Variants in RNF135 observed in about 807,000 individuals in gnomAD.
The protein encoded by RNF135 is ring finger protein 135, also known as E3 ubiquitin-protein ligase RNF135.
A neutral mutation model predicts 41.9 loss-of-function variants in RNF135; 46 were observed. That is an observed-to-expected ratio of 1.10 (90% CI 0.87 to 1.40). The LOEUF (loss-of-function observed/expected upper bound fraction) is 1.40, where lower values mean the gene tolerates loss of function less well. Among genes scored for constraint, RNF135 ranks in the 40% most tolerant of loss-of-function variants. The probability of loss-of-function intolerance (pLI) is 0.00; values close to 1 mark genes in which losing one functional copy is unlikely to be tolerated. For synonymous variants in RNF135, 238 were observed against 223.8 expected, an observed-to-expected ratio of 1.06 and a Z score of -0.57; for missense variants, 539 against 549.8, an observed-to-expected ratio of 0.98 and a Z score of 0.20.
At chr17:30,959,103 CT>C in the RNF135 span, 1 of 152,180 alleles carries the variant, frequency 6.6e-6, no homozygotes, top group African/African-American at 2.4e-5. Flanking sequence ...GTTTACTTGT[CT>C]GCCTCTTTGA....
intron 2 of RNF135, among the ~76,000 whole-genome samples, chr17:30,986,950 GAA>G (rs1398049400): frequency 6.6e-6 from 1 of 152,184 alleles, no homozygotes; most frequent in East Asian, 1.9e-4. Flanking sequence ...GCAAATGAGA[GAA>G]AGGCAATATC....
upstream of RNF135, among the ~76,000 whole-genome samples, chr17:30,967,706 T>C (rs558187988): frequency 2.6e-4 from 37 of 144,872 alleles, 1 homozygote; most frequent in Middle Eastern, 3.5e-3. Flanking sequence ...CAAAATTTCT[T>C]TTTTTTTTTT....
chr17:30,982,568 A>G (rs1012863419), intron 1 of RNF135, among the ~76,000 whole-genome samples: 2 of 152,144 alleles, frequency 1.3e-5, no homozygotes, highest in African/African-American at 2.4e-5. Flanking sequence ...AGTTAAAACC[A>G]GGTACTGTAA....
At chr17:30,975,746 T>C in intron 1 of RNF135, 1 of 1,259,186 alleles carries the variant, frequency 7.9e-7, no homozygotes, top group African/African-American at 1.5e-5. Context: ...TGGCCTGGTG[T>C]ACATGGGTCA....
At chr17:30,961,462 C>A in the RNF135 span, among the ~76,000 whole-genome samples, 108 of 152,068 alleles carry the variant, frequency 7.1e-4, no homozygotes, top group Non-Finnish European at 1.2e-3. Flanking sequence ...CCTCTCCTCT[C>A]CTGTCCTTTC....
chr17:30,974,997 A>G lies in RNF135; in HGVS notation c.372+3552A>G, dbSNP rs185891539. On this transcript the variant is annotated intron_variant, in intron 1 of 4. Coordinates refer to ENST00000328381, the MANE Select transcript of RNF135 (RefSeq NM_032322.4). ...CAGGCCCATTATAATTTATTTTAAG[A>G]AATTTTTCAGGCAGATTGTCATGGC... Among the ~76,000 whole-genome samples, 429 of 152,178 alleles carry G rather than the reference A, an allele frequency of 2.8e-3. 1 individual carries two copies. The highest frequency in any genetic ancestry group is 4.1e-3 in the Non-Finnish European group (279 of 67,986).
At chr17:30,980,094 A>C (rs1344699313) in intron 1 of RNF135, 2 of 124,398 alleles carry the variant, frequency 1.6e-5, no homozygotes, top group African/African-American at 7.1e-5. Flanking sequence ...TGACTCCCCC[A>C]CCTCCCTCCT....
chr17:30,992,820 A>G (rs1358146656), intron 3 of RNF135, among the ~76,000 whole-genome samples: 1 of 151,878 alleles, frequency 6.6e-6, no homozygotes, highest in Non-Finnish European at 1.5e-5. Context: ...ATTTTCATGT[A>G]GTAAATTTTG....
At position 30,971,176 on chromosome 17, in the gene RNF135, C is replaced by A; in HGVS notation, c.103C>A (p.Pro35Thr). 1 of 1,528,240 alleles carries A rather than the reference C, an allele frequency of 6.5e-7. No individual in the cohort carries two copies. The highest frequency in any genetic ancestry group is 1.9e-4 in the Middle Eastern group (1 of 5,360). 94.7% of individuals were successfully genotyped at this position (1,528,240 alleles called of 1,614,324 possible). A position where few individuals can be genotyped will look rare whatever the true frequency, so the allele number is the denominator to read the frequency against. ...GCTGCTGGACTGGCCCGCCACGCTG[C>A]CCTGCGGCCACAGCTTCTGCCGCCA... is the stretch of plus-strand genomic sequence containing the variant. ...QGLLDWPATL[P>T]CGHSFCRHCL... Residue 35 changes from proline (P) to threonine (T), a missense_variant, in exon 1 of 5, where the codon CCC (proline) becomes ACC (threonine). Physicochemically the swap from Pro to Thr is conservative, Grantham distance 38. Transcript: ENST00000328381.
intron 1 of RNF135, among the ~76,000 whole-genome samples, chr17:30,980,917 G>A (rs1399859078): frequency 3.3e-5 from 5 of 150,924 alleles, no homozygotes; most frequent in African/African-American, 7.4e-5. Flanking sequence ...TATCCCAGAC[G>A]ATGGGTGGCC....
At chr17:30,973,496 C>T (rs1157891048) in intron 1 of RNF135, among the ~76,000 whole-genome samples, 2 of 149,920 alleles carry the variant, frequency 1.3e-5, no homozygotes, top group Non-Finnish European at 1.5e-5. Flanking sequence ...GAAACGAGGT[C>T]TCGCTCCTTT....
chr17:30,976,193 A>G (rs1598080133), intron 1 of RNF135, among the ~76,000 whole-genome samples: 1 of 152,046 alleles, frequency 6.6e-6, no homozygotes, highest in East Asian at 1.9e-4. Flanking sequence ...TTTAGTAGAG[A>G]CGGGGTTTCA....
intron 1 of RNF135, chr17:30,975,424 G>C (rs1906358833): frequency 1.3e-6 from 1 of 771,472 alleles, no homozygotes; most frequent in Non-Finnish European, 2.4e-6. Context: ...GCAAGGACCA[G>C]ATGCATTCAC....
rs369306204 is a variant in RNF135, at chr17:30,984,766, C to G, written c.516+6C>G. On this transcript the variant is annotated splice_donor_region_variant and intron_variant, in intron 2 of 4. Coordinates refer to ENST00000328381, the MANE Select transcript of RNF135 (RefSeq NM_032322.4). Reference sequence around the variant, plus strand: ...AACTGAGCATCCTGGGCAAGGTAGGCTCCACTGGGAGAGGAAAGGATGTGG... The same window carrying G: ...AACTGAGCATCCTGGGCAAGGTAGGGTCCACTGGGAGAGGAAAGGATGTGG... 16 of 1,613,848 alleles carry G rather than the reference C, an allele frequency of 9.9e-6. No individual in the cohort carries two copies. Among genetic ancestry groups the G allele is most frequent in the Non-Finnish European group, 1.4e-5 (16 of 1,179,946 alleles).
At chr17:30,987,361 AG>A (rs1567745480) in intron 2 of RNF135, among the ~76,000 whole-genome samples, 1 of 151,696 alleles carries the variant, frequency 6.6e-6, no homozygotes, top group East Asian at 1.9e-4. Flanking sequence ...CCTCCCATGT[AG>A]TTGGGATTAC....
intron 1 of RNF135, among the ~76,000 whole-genome samples, chr17:30,974,458 T>C (rs1010190584): frequency 6.6e-6 from 1 of 152,112 alleles, no homozygotes; most frequent in African/African-American, 2.4e-5. Context: ...TGTTGGAATT[T>C]TGATAGGGAT....
chr17:30,992,698 C>T (rs1342043881), intron 3 of RNF135, among the ~76,000 whole-genome samples: 1 of 152,108 alleles, frequency 6.6e-6, no homozygotes, highest in Non-Finnish European at 1.5e-5. Flanking sequence ...AACTCCTGGG[C>T]TCCAGCAATT....
rs1907517162 is a variant in RNF135 at position 30,985,424 on chromosome 17, C to G, written c.516+664C>G. 3.9e-5 allele frequency among the ~76,000 whole-genome samples: 6 copies of G among 152,168 alleles called. No individual in the cohort carries two copies. In the South Asian group the frequency reaches 1.2e-3, roughly 31 times the overall value. On this transcript the variant is annotated intron_variant, in intron 2 of 4. Transcript: ENST00000328381. Reference sequence around the variant, plus strand: ...CTAAACTGCTCCTCTTCTGGGATTTCTCATCTCAATGCTTGCCCCATTATC... The same window carrying G: ...CTAAACTGCTCCTCTTCTGGGATTTGTCATCTCAATGCTTGCCCCATTATC...
chr17:30,971,053 C>G lies in RNF135; in HGVS notation c.-21C>G. 1 of 1,529,570 alleles carries G rather than the reference C, an allele frequency of 6.5e-7. No homozygotes were observed. The highest frequency in any genetic ancestry group is 8.7e-7 in the Non-Finnish European group (1 of 1,145,670). The allele number at this position is 1,529,570 out of a possible 1,614,324, so 94.7% of individuals were successfully genotyped here. A position where few individuals can be genotyped will look rare whatever the true frequency, so the allele number is the denominator to read the frequency against. ...TCGCCCGGCTCAACCCCGACGTCCG[C>G]GCCCCGGCCGCCTGTTGGCCATGGC... is the stretch of plus-strand genomic sequence containing the variant. On this transcript the variant is annotated 5_prime_UTR_variant, in exon 1 of 5. Coordinates refer to ENST00000328381, the MANE Select transcript of RNF135 (RefSeq NM_032322.4).
Sources: gnomAD v4.1 joint callset for allele counts (sites outside exome capture counted in the v4.1 genomes callset) on GRCh38, gnomAD v4.1.1 for gene constraint, MANE v1.5 for transcripts, NCBI Gene and HGNC (gene_info 2026-07-23, HGNC 2026-07-21) for gene names.